OPA3: variants seen among roughly 807,000 people sequenced by gnomAD.
OPA3 encodes the protein optic atrophy 3 protein.
OPA3 carries 6 observed loss-of-function variants against 4.0 expected under a neutral mutation model. The ratio of observed to expected loss-of-function variants is 1.51; its 90% CI spans 0.83 to 2.99. The LOEUF (loss-of-function observed/expected upper bound fraction) is 2.99. Ranked by LOEUF, OPA3 falls within the 30% of genes most tolerant of loss-of-function variation. The pLI is 0.00. For missense variants in OPA3, 235 were observed against 256.2 expected (o/e 0.92, Z 0.56); for synonymous variants, 105 against 117.1 (o/e 0.90, Z 0.67).
Position 45,552,191 on chromosome 19 carries a change from A to T in OPA3, c.*1323T>A. The T allele has an allele frequency of 1.0e-6, 1 of 984,506 alleles. No homozygotes were observed. The highest frequency in any genetic ancestry group is 1.2e-6 in the Non-Finnish European group (1 of 829,718). The allele number at this position is 984,506 out of a possible 1,614,324, so 61.0% of individuals were successfully genotyped here. ...AAGGGAAGGTACAATGATTCCAGGG[A>T]TTGACTGCAGGCCAGGACCTTTTGT... On this transcript the variant is annotated 3_prime_UTR_variant, in exon 2 of 2. Transcript: ENST00000263275.
At chr19:45,538,718 G>A (rs1283857823) in intron 1 of OPA3, among the ~76,000 whole-genome samples, 3 of 139,108 alleles carry the variant, frequency 2.2e-5, no homozygotes, top group South Asian at 2.3e-4. Flanking sequence ...GTGAGACTCC[G>A]TCTCAAAAAA....
chr19:45,574,586 G>T (rs537867365), intron 1 of OPA3, among the ~76,000 whole-genome samples: 19 of 152,240 alleles, frequency 1.2e-4, no homozygotes, highest in Admixed American at 1.0e-3. Context: ...GAGGCTCATA[G>T]AGGTCAAGCT....
chr19:45,573,885 G>A (rs1035900714), intron 1 of OPA3, among the ~76,000 whole-genome samples: 45 of 152,342 alleles, frequency 3.0e-4, no homozygotes, highest in Admixed American at 8.5e-4. Flanking sequence ...GATTCCGGCT[G>A]GGTGCGGTGG....
downstream of OPA3, among the ~76,000 whole-genome samples, chr19:45,543,654 G>A (rs1468061018): frequency 1.3e-5 from 2 of 151,606 alleles, no homozygotes; most frequent in East Asian, 3.9e-4. Flanking sequence ...ATTTGTAGAA[G>A]AGGAGTCTTG....
rs927875348 is a variant in OPA3 at position 45,572,115 on chromosome 19, A to T, written c.142+12508T>A. ...ATGTGGTGTATATATATATATCAAT[A>T]TATATTGATATATATATATATTTTG... is the stretch of plus-strand genomic sequence containing the variant. On this transcript the variant is annotated intron_variant, in intron 1 of 1. Transcript: ENST00000263275. 1.1e-4 allele frequency among the ~76,000 whole-genome samples: 15 copies of T among 137,030 alleles called. No homozygotes were observed. The South Asian group carries it at 3.5e-3, about 32-fold the overall frequency. The allele number at this position is 137,030 out of a possible 152,430, so 89.9% of individuals were successfully genotyped here.
chr19:45,533,082 G>T (rs913180368), intron 1 of OPA3, among the ~76,000 whole-genome samples: 3 of 151,644 alleles, frequency 2.0e-5, no homozygotes, highest in African/African-American at 4.9e-5. Context: ...GTAGAGATGG[G>T]GTTTCACCAT....
In OPA3 at chr19:45,548,050, G is replaced by A; in HGVS notation, c.*5464C>T. 1 of 881,892 alleles carries A rather than the reference G, an allele frequency of 1.1e-6. No individual in the cohort carries two copies. The highest frequency in any genetic ancestry group is 1.4e-6 in the Non-Finnish European group (1 of 735,390). 54.6% of individuals were successfully genotyped at this position (881,892 alleles called of 1,614,324 possible). ...GGCACTAGAATGTCAGCTCCAGTGA[G>A]GGCCTCTGCTTGCTCCCAACTGGCT... On this transcript the variant is annotated 3_prime_UTR_variant, in exon 2 of 2. Transcript: ENST00000263275.
At chr19:45,572,529 T>C (rs142822384) in intron 1 of OPA3, among the ~76,000 whole-genome samples, 1 of 123,344 alleles carries the variant, frequency 8.1e-6, no homozygotes, top group African/African-American at 2.8e-5. Context: ...ATATGAGATA[T>C]ATATATCATA....
At chr19:45,539,810 G>T (rs182635031) in intron 1 of OPA3, among the ~76,000 whole-genome samples, 67 of 151,978 alleles carry the variant, frequency 4.4e-4, no homozygotes, top group East Asian at 7.7e-4. Context: ...TGCATTGTAT[G>T]ACTCCATTTA....
At chr19:45,538,316 G>A (rs1781599116) in intron 1 of OPA3, among the ~76,000 whole-genome samples, 2 of 152,082 alleles carry the variant, frequency 1.3e-5, no homozygotes, top group African/African-American at 2.4e-5. Context: ...AGCTCATCAG[G>A]AGGCTGAGGG....
intron 1 of OPA3, among the ~76,000 whole-genome samples, chr19:45,581,880 C>A (rs936704194): frequency 2.6e-5 from 4 of 152,144 alleles, no homozygotes; most frequent in African/African-American, 4.8e-5. Flanking sequence ...ATCACTGCAA[C>A]CTCTACCTCC....
chr19:45,566,347 G>A (rs1357173406), intron 1 of OPA3, among the ~76,000 whole-genome samples: 2 of 151,958 alleles, frequency 1.3e-5, no homozygotes, highest in African/African-American at 4.8e-5. Context: ...TTAGGGCTCT[G>A]CCATGTTGGC....
intron 1 of OPA3, among the ~76,000 whole-genome samples, chr19:45,577,998 T>C (rs1380282855): frequency 6.6e-6 from 1 of 152,174 alleles, no homozygotes; most frequent in Non-Finnish European, 1.5e-5. Context: ...ACGCCTGTAA[T>C]CCTGAAACTG....
At chr19:45,568,279 TC>T (rs1223051582) in intron 1 of OPA3, among the ~76,000 whole-genome samples, 1 of 152,080 alleles carries the variant, frequency 6.6e-6, no homozygotes, top group East Asian at 1.9e-4. Context: ...AACCTCTGCC[TC>T]CTGGTTTCAA....
chr19:45,533,571 TGAG>T (rs1969083580), intron 1 of OPA3, among the ~76,000 whole-genome samples: 1 of 152,226 alleles, frequency 6.6e-6, no homozygotes, highest in Non-Finnish European at 1.5e-5. Context: ...CCTATACCTT[TGAG>T]GCCGGTACTT....
Position 45,534,283 on chromosome 19 carries a change from C to T in OPA3, c.143-4827G>A, listed in dbSNP as rs370038502. Among the ~76,000 whole-genome samples the T allele has an allele frequency of 5.3e-5, 8 of 152,206 alleles. No individual in the cohort carries two copies. The East Asian group carries it at 9.7e-4, about 19-fold the overall frequency. On this transcript the variant is annotated intron_variant, in intron 1 of 1. Transcript: ENST00000323060. ...AATCACACAGGAAAGCAATAGAGGC[C>T]AGGCGCTGTGGCTCATGCCTGTAAT...
At chr19:45,572,848 T>A (rs1263631527) in intron 1 of OPA3, among the ~76,000 whole-genome samples, 1 of 147,034 alleles carries the variant, frequency 6.8e-6, no homozygotes, top group Non-Finnish European at 1.5e-5. Flanking sequence ...TATCTATATA[T>A]ATTTTTTTTT....
chr19:45,554,368 C>T (rs777056678), intron 1 of OPA3, among the ~76,000 whole-genome samples: 20 of 152,180 alleles, frequency 1.3e-4, no homozygotes, highest in Non-Finnish European at 2.5e-4. Context: ...GCAGTCGATG[C>T]TAAGTGCCTC....
In OPA3 at chr19:45,550,720, C is replaced by A; in HGVS notation, c.*2794G>T. ...GTTTCCCTCCTGATTTTAATAAGCT[C>A]TGTACCCATTGTGGAGATCCACATG... On this transcript the variant is annotated 3_prime_UTR_variant, in exon 2 of 2. Transcript: ENST00000263275. The A allele has an allele frequency of 1.0e-6, 1 of 986,000 alleles. No homozygotes were observed. Among genetic ancestry groups the A allele is most frequent in the Non-Finnish European group, 1.2e-6 (1 of 830,112 alleles). 61.1% of individuals were successfully genotyped at this position (986,000 alleles called of 1,614,324 possible).
Sources: gnomAD v4.1 joint callset for allele counts (sites outside exome capture counted in the v4.1 genomes callset) on GRCh38, gnomAD v4.1.1 for gene constraint, MANE v1.5 for transcripts, NCBI Gene and HGNC (gene_info 2026-07-23, HGNC 2026-07-21) for gene names.